The following GADL1 variants were observed in gnomAD, a reference collection of about 807,000 sequenced individuals.
GADL1 encodes GAD like acidic amino acid decarboxylase 1.
Under a neutral mutation model 69.5 loss-of-function variants are expected in GADL1, and 71 were observed. That is an observed-to-expected ratio of 1.02 (90% CI 0.84 to 1.25). The LOEUF (loss-of-function observed/expected upper bound fraction) is 1.25. Among genes scored for constraint, GADL1 ranks in the 50% most tolerant of loss-of-function variants. The pLI is 0.00. For missense variants in GADL1, 737 were observed against 631.8 expected (o/e 1.17, Z -1.79); for synonymous variants, 254 against 214.4 (o/e 1.18, Z -1.62).
chr3:30,841,133 A>C lies in GADL1; in HGVS notation c.787-2020T>G, dbSNP rs533955665. Among the ~76,000 whole-genome samples the C allele has an allele frequency of 5.3e-5, 8 of 152,310 alleles. No individual in the cohort carries two copies. In the South Asian group the frequency reaches 1.4e-3, roughly 28 times the overall value. On this transcript the variant is annotated intron_variant, in intron 8 of 14. Coordinates refer to ENST00000282538, the MANE Select transcript of GADL1 (RefSeq NM_207359.3). ...ACAACATAAGTTAAAAGCTTGAAAC[A>C]AAACAACTAGGCCTGAAGCTACTGA...
rs151332545 is a variant in GADL1, at chr3:30,742,962, T to C, written c.1393-14547A>G. On this transcript the variant is annotated intron_variant, in intron 14 of 14. Coordinates refer to ENST00000282538, the MANE Select transcript of GADL1 (RefSeq NM_207359.3). Reference sequence around the variant, plus strand: ...TGCTTAGCTTTAGAAATAATGACATTCTGCTGAATGGAGCAATAAAAACAG... The same window carrying C: ...TGCTTAGCTTTAGAAATAATGACATCCTGCTGAATGGAGCAATAAAAACAG... 7.2e-3 allele frequency among the ~76,000 whole-genome samples: 1,096 copies of C among 152,126 alleles called. 9 individuals carry two copies. The highest frequency in any genetic ancestry group is 0.025 in the African/African-American group (1,040 of 41,486).
intron 2 of GADL1, among the ~76,000 whole-genome samples, chr3:30,860,874 C>T (rs1220035672): frequency 2.6e-5 from 4 of 151,978 alleles, no homozygotes; most frequent in Non-Finnish European, 5.9e-5. Context: ...ACATATTTGA[C>T]CTCTTTGTGC....
At chr3:30,756,819 A>G (rs1695986181) in intron 14 of GADL1, among the ~76,000 whole-genome samples, 1 of 152,238 alleles carries the variant, frequency 6.6e-6, no homozygotes, top group African/African-American at 2.4e-5. Context: ...TCTCTCTTAC[A>G]CTTGCCAAGA....
intron 14 of GADL1, among the ~76,000 whole-genome samples, chr3:30,762,519 T>TG (rs1461991792): frequency 6.6e-6 from 1 of 152,174 alleles, no homozygotes; most frequent in African/African-American, 2.4e-5. Context: ...TATATAATTC[T>TG]GGGGGTACAT....
At chr3:30,834,557 G>A (rs922949906) in intron 9 of GADL1, among the ~76,000 whole-genome samples, 2 of 152,058 alleles carry the variant, frequency 1.3e-5, no homozygotes, top group South Asian at 4.1e-4. Context: ...GTGGATGGAA[G>A]AGGTTCAAAG....
intron 11 of GADL1, among the ~76,000 whole-genome samples, chr3:30,812,178 T>G (rs1335509351): frequency 6.6e-6 from 1 of 152,186 alleles, no homozygotes; most frequent in South Asian, 2.1e-4. Flanking sequence ...GGGTTACATG[T>G]GGTCCATGCT....
chr3:30,827,731 G>T (rs1010568592), intron 11 of GADL1, among the ~76,000 whole-genome samples: 3 of 151,818 alleles, frequency 2.0e-5, no homozygotes, highest in Admixed American at 1.3e-4. Flanking sequence ...AAAAATACAA[G>T]AATTAAGAGT....
At chr3:30,744,118 G>A (rs1417624049) in intron 14 of GADL1, among the ~76,000 whole-genome samples, 2 of 152,188 alleles carry the variant, frequency 1.3e-5, no homozygotes, top group African/African-American at 4.8e-5. Flanking sequence ...GTAACTAAGT[G>A]AAACCTAATT....
At chr3:30,761,651 T>TC (rs1696136895) in intron 14 of GADL1, among the ~76,000 whole-genome samples, 1 of 152,154 alleles carries the variant, frequency 6.6e-6, no homozygotes, top group East Asian at 1.9e-4. Flanking sequence ...TCCTCATCAG[T>TC]CTGTAGTAAC....
At chr3:30,816,525 G>GTTT (rs1559507818) in intron 11 of GADL1, among the ~76,000 whole-genome samples, 4 of 40,758 alleles carry the variant, frequency 9.8e-5, no homozygotes, top group South Asian at 7.0e-4. Context: ...TTCTTAATTT[G>GTTT]TTTTCTTTTT....
intron 12 of GADL1, chr3:30,799,033 G>A (rs1697108806): frequency 6.6e-6 from 1 of 152,206 alleles, no homozygotes; most frequent in South Asian, 2.1e-4. Context: ...CCCCCATCAT[G>A]GCTGCTTTCA....
intron 1 of GADL1, among the ~76,000 whole-genome samples, chr3:30,892,744 C>G (rs1698801660): frequency 6.6e-6 from 1 of 152,172 alleles, no homozygotes; most frequent in African/African-American, 2.4e-5. Flanking sequence ...GGGTTAAGGT[C>G]AGATAAAACT....
At chr3:30,865,942 TG>T (rs951835667) in intron 1 of GADL1, among the ~76,000 whole-genome samples, 1 of 152,046 alleles carries the variant, frequency 6.6e-6, no homozygotes, top group African/African-American at 2.4e-5. Context: ...TCCAAAATTC[TG>T]TATAGGATCA....
intron 1 of GADL1, among the ~76,000 whole-genome samples, chr3:30,884,595 C>T (rs1490754836): frequency 1.3e-5 from 2 of 152,020 alleles, no homozygotes; most frequent in Non-Finnish European, 2.9e-5. Flanking sequence ...TGTGCTGTTT[C>T]CATTCTGAGC....
intron 14 of GADL1, among the ~76,000 whole-genome samples, chr3:30,748,731 T>A (rs1035868466): frequency 6.6e-6 from 1 of 152,216 alleles, no homozygotes; most frequent in African/African-American, 2.4e-5. Flanking sequence ...ATAAATATAA[T>A]ATTGTTCAAT....
intron 1 of GADL1, among the ~76,000 whole-genome samples, chr3:30,881,647 C>A (rs910730084): frequency 6.6e-6 from 1 of 151,868 alleles, no homozygotes; most frequent in African/African-American, 2.4e-5. Flanking sequence ...CATCTCTACT[C>A]TTTAGAAAAT....
At chr3:30,788,737 ATCCTT>A (rs1696852974) in intron 12 of GADL1, among the ~76,000 whole-genome samples, 1 of 152,156 alleles carries the variant, frequency 6.6e-6, no homozygotes, top group Non-Finnish European at 1.5e-5. Context: ...ATCCTTTGTT[ATCCTT>A]TCAACAATAT....
chr3:30,773,538 T>C (rs80199699), intron 14 of GADL1, among the ~76,000 whole-genome samples: 12,211 of 152,266 alleles, frequency 0.08, 659 homozygotes, highest in South Asian at 0.2. Flanking sequence ...GTATTTTACA[T>C]GTACTTAAGT....
At chr3:30,882,568 A>G (rs764879144) in intron 1 of GADL1, among the ~76,000 whole-genome samples, 4 of 151,948 alleles carry the variant, frequency 2.6e-5, no homozygotes, top group African/African-American at 4.8e-5. Flanking sequence ...CATTCATCCA[A>G]TGATGGATAC....
Sources: allele counts gnomAD v4.1 joint callset (sites outside exome capture counted in the v4.1 genomes callset), GRCh38; gene constraint gnomAD v4.1.1; transcripts MANE v1.5; gene names NCBI Gene and HGNC (gene_info 2026-07-23, HGNC 2026-07-21).